GAREM1: variants seen among roughly 807,000 people sequenced by gnomAD.
GAREM1 encodes the protein GRB2 associated regulator of MAPK1 subtype 1, also known as GRB2-associated and regulator of MAPK protein 1.
Under a neutral mutation model 71.3 loss-of-function variants are expected in GAREM1, and 26 were observed. The observed-to-expected ratio is 0.36, with a 90% CI of 0.27 to 0.51. The LOEUF (loss-of-function observed/expected upper bound fraction) is 0.51. Among genes scored for constraint, GAREM1 ranks in the 20% least tolerant of loss-of-function variants. The probability of loss-of-function intolerance (pLI) is 0.95; values close to 1 mark genes in which losing one functional copy is unlikely to be tolerated. For missense variants in GAREM1, 1,026 were observed against 1,103.1 expected, an observed-to-expected ratio of 0.93 and a Z score of 0.99; for synonymous variants, 440 against 433.2, an observed-to-expected ratio of 1.02 and a Z score of -0.20.
chr18:32,432,585 A>G (rs1458528104), intron 1 of GAREM1, among the ~76,000 whole-genome samples: 1 of 152,140 alleles, frequency 6.6e-6, no homozygotes, highest in African/African-American at 2.4e-5. Context: ...AGAGATATAA[A>G]TTATCAATAT....
At chr18:32,306,553 G>A (rs542945127) in intron 3 of GAREM1, among the ~76,000 whole-genome samples, 1 of 152,062 alleles carries the variant, frequency 6.6e-6, no homozygotes, top group East Asian at 1.9e-4. Flanking sequence ...TGTCCCCTGA[G>A]GGACAAAGTC....
chr18:32,424,412 T>C (rs2048553470), intron 1 of GAREM1, among the ~76,000 whole-genome samples: 1 of 152,170 alleles, frequency 6.6e-6, no homozygotes, highest in South Asian at 2.1e-4. Flanking sequence ...TAGTTACTTA[T>C]GATGATAAAG....
chr18:32,280,031 TA>T (rs1480216649), intron 4 of GAREM1, among the ~76,000 whole-genome samples: 5 of 152,230 alleles, frequency 3.3e-5, no homozygotes, highest in Non-Finnish European at 5.9e-5. Flanking sequence ...TAAAATTAAT[TA>T]AATGTCAAAT....
rs140027100 is a variant in GAREM1 at position 32,369,870 on chromosome 18, G to T, written c.262+23025C>A. 4.6e-5 allele frequency among the ~76,000 whole-genome samples: 7 copies of T among 152,260 alleles called. No homozygotes were observed. The East Asian group carries it at 1.2e-3, about 25-fold the overall frequency. On this transcript the variant is annotated intron_variant, in intron 2 of 5. Coordinates refer to ENST00000269209, the MANE Select transcript of GAREM1 (RefSeq NM_001242409.2). ...CAGTAATGCGCAGATGACCACAGAG[G>T]CCTGGCCTCTAGTCCTGGGTCCACT... is the stretch of plus-strand genomic sequence containing the variant.
intron 2 of GAREM1, among the ~76,000 whole-genome samples, chr18:32,375,387 C>T (rs544382949): frequency 6.6e-6 from 1 of 152,238 alleles, no homozygotes; most frequent in East Asian, 1.9e-4. Flanking sequence ...CTTCATATGG[C>T]CATCCCAGAG....
chr18:32,338,151 A>G (rs556028835), intron 2 of GAREM1, among the ~76,000 whole-genome samples: 3 of 152,342 alleles, frequency 2.0e-5, no homozygotes, highest in Admixed American at 1.3e-4. Flanking sequence ...AAATTCCTCT[A>G]ATTTCCAAGT....
chr18:32,434,178 T>C (rs2048652603), intron 1 of GAREM1, among the ~76,000 whole-genome samples: 1 of 152,114 alleles, frequency 6.6e-6, no homozygotes, highest in Non-Finnish European at 1.5e-5. Flanking sequence ...AAAAAAGAAG[T>C]TACAAATACA....
chr18:32,299,406 G>A (rs1346811254), intron 3 of GAREM1, among the ~76,000 whole-genome samples: 2 of 151,328 alleles, frequency 1.3e-5, no homozygotes, highest in Non-Finnish European at 2.9e-5. Context: ...CCCAGCTGCT[G>A]GGGAGGCTGA....
chr18:32,337,715 T>G (rs1343126237), intron 2 of GAREM1, among the ~76,000 whole-genome samples: 1 of 152,114 alleles, frequency 6.6e-6, no homozygotes, highest in African/African-American at 2.4e-5. Context: ...CAGAAGGTGT[T>G]TCCAATGGCT....
chr18:32,377,449 C>G (rs748785464), intron 2 of GAREM1, among the ~76,000 whole-genome samples: 8 of 152,170 alleles, frequency 5.3e-5, no homozygotes, highest in Non-Finnish European at 1.0e-4. Flanking sequence ...AACGTGAAGA[C>G]AGTGGTGTAA....
At chr18:32,358,207 C>T (rs1207325862) in intron 2 of GAREM1, among the ~76,000 whole-genome samples, 1 of 148,990 alleles carries the variant, frequency 6.7e-6, no homozygotes, top group Non-Finnish European at 1.5e-5. Context: ...GCACACCCGG[C>T]TTGTGTGCTT....
At chr18:32,466,925 G>A (rs2049005287) in intron 1 of GAREM1, among the ~76,000 whole-genome samples, 1 of 152,084 alleles carries the variant, frequency 6.6e-6, no homozygotes, top group Non-Finnish European at 1.5e-5. Context: ...CATTTATAAA[G>A]GCTCAATTAT....
intron 3 of GAREM1, among the ~76,000 whole-genome samples, chr18:32,298,132 T>C (rs1473592409): frequency 6.6e-6 from 1 of 152,232 alleles, no homozygotes; most frequent in Non-Finnish European, 1.5e-5. Context: ...CGTGTATGTG[T>C]GTACTTCTTA....
At chr18:32,415,470 T>C (rs1421907440) in intron 1 of GAREM1, among the ~76,000 whole-genome samples, 2 of 151,996 alleles carry the variant, frequency 1.3e-5, no homozygotes, top group African/African-American at 2.4e-5. Context: ...GCAGAAAATC[T>C]TCAACAAAAT....
At chr18:32,295,351 C>T (rs1049839780) in intron 3 of GAREM1, among the ~76,000 whole-genome samples, 1 of 152,156 alleles carries the variant, frequency 6.6e-6, no homozygotes, top group Non-Finnish European at 1.5e-5. Context: ...TAAGACAATA[C>T]TGTGTAATTC....
chr18:32,355,596 T>C (rs2047796873), intron 2 of GAREM1, among the ~76,000 whole-genome samples: 1 of 152,220 alleles, frequency 6.6e-6, no homozygotes, highest in African/African-American at 2.4e-5. Flanking sequence ...TTTTTATCTT[T>C]TTAAGTAATG....
At chr18:32,290,642 GAAAAAAA>G (rs586596) in intron 3 of GAREM1, among the ~76,000 whole-genome samples, 4 of 75,642 alleles carry the variant, frequency 5.3e-5, no homozygotes, top group Admixed American at 1.6e-4. Flanking sequence ...CAGACTGTCT[GAAAAAAA>G]AAAAAAAAAA....
At chr18:32,345,602 A>C (rs1185622512) in intron 2 of GAREM1, among the ~76,000 whole-genome samples, 1 of 152,372 alleles carries the variant, frequency 6.6e-6, no homozygotes, top group East Asian at 1.9e-4. Context: ...GGCAATAAGC[A>C]AAGAAAATGC....
intron 3 of GAREM1, among the ~76,000 whole-genome samples, chr18:32,297,812 G>A (rs2047157928): frequency 6.6e-6 from 1 of 152,136 alleles, no homozygotes; most frequent in Non-Finnish European, 1.5e-5. Context: ...AAAACTTGGC[G>A]AGTCACCCAT....
Sources: allele counts gnomAD v4.1 joint callset (sites outside exome capture counted in the v4.1 genomes callset), GRCh38; gene constraint gnomAD v4.1.1; transcripts MANE v1.5; gene names NCBI Gene and HGNC (gene_info 2026-07-23, HGNC 2026-07-21).